Variants in CALU observed in about 807,000 individuals in gnomAD.
The protein encoded by CALU is IEF SSP 9302.
CALU carries 13 observed loss-of-function variants against 37.5 expected under a neutral mutation model. That is an observed-to-expected ratio of 0.35 (90% CI 0.23 to 0.55). The LOEUF is 0.55. CALU is among the 20% of genes least tolerant of loss of function. CALU has a pLI of 0.89. For missense variants in CALU, 282 were observed against 391.7 expected (o/e 0.72, Z 2.36); for synonymous variants, 114 against 133.8 (o/e 0.85, Z 1.02).
chr7:128,745,939 A>G (rs1800415102), intron 1 of CALU, among the ~76,000 whole-genome samples: 2 of 152,172 alleles, frequency 1.3e-5, no homozygotes, highest in African/African-American at 4.8e-5. Context: ...ATGAACCTTG[A>G]GGTTACCACT....
At position 128,769,305 on chromosome 7, in the gene CALU, C is replaced by G. The variant is rs1801466984; in HGVS notation, c.*138C>G. ...AAGGCGTAATGAAAACCATCCCGTCCCCATTCCTCCTCCTCTCTGAGGGAC... is the reference window on the plus strand; with the variant it reads ...AAGGCGTAATGAAAACCATCCCGTCGCCATTCCTCCTCCTCTCTGAGGGAC... On this transcript the variant is annotated 3_prime_UTR_variant, in exon 7 of 7. Transcript: ENST00000249364. 3.6e-6 allele frequency: 2 copies of G among 554,962 alleles called. No individual in the cohort carries two copies. The highest frequency in any genetic ancestry group is 6.8e-5 in the Admixed American group (2 of 29,362). 34.4% of individuals were successfully genotyped at this position (554,962 alleles called of 1,614,324 possible). A position where few individuals can be genotyped will look rare whatever the true frequency, so the allele number is the denominator to read the frequency against.
At chr7:128,754,013 A>T (rs1585008272) in intron 2 of CALU, among the ~76,000 whole-genome samples, 1 of 152,364 alleles carries the variant, frequency 6.6e-6, no homozygotes, top group Non-Finnish European at 1.5e-5. Flanking sequence ...CCATAGGCTG[A>T]AATCTACCTC....
intron 3 of CALU, among the ~76,000 whole-genome samples, chr7:128,757,116 C>G (rs1185312099): frequency 6.6e-6 from 1 of 151,936 alleles, no homozygotes; most frequent in Non-Finnish European, 1.5e-5. Context: ...TCCTGTTTCC[C>G]TCCTTATATA....
chr7:128,748,635 T>G lies in CALU; in HGVS notation c.52T>G (p.Leu18Val). 1 of 1,614,172 alleles carries G rather than the reference T, an allele frequency of 6.2e-7. No homozygotes were observed. The highest frequency in any genetic ancestry group is 8.5e-7 in the Non-Finnish European group (1 of 1,179,992). The part of the protein sequence containing the change: ...MCLSLCTAFA[L>V]SKPTEKKDRV... The stretch of plus-strand genomic sequence containing the variant: ...CCTGTCCCTGTGCACAGCCTTTGCC[T>G]TGAGCAAACCCACAGAAAAGAAGGA... Residue 18 changes from leucine to valine, a missense_variant, in exon 2 of 7, where the codon TTG (leucine) becomes GTG (valine). Physicochemically the swap from Leu to Val is conservative, Grantham distance 32. Coordinates refer to ENST00000249364, the MANE Select transcript of CALU (RefSeq NM_001219.5).
rs139501806 is a variant in CALU at position 128,754,351 on chromosome 7, G to C, written c.311G>C (p.Trp104Ser). Residue 104 changes from tryptophan (W) to serine (S), a missense_variant, in exon 3 of 7, where the codon TGG becomes TCG. Physicochemically the swap from Trp to Ser is radical, Grantham distance 177. Transcript: ENST00000249364. Reference protein sequence around the residue: ...KDWIKFAQKRWIYEDVERQWK... With the variant: ...KDWIKFAQKRSIYEDVERQWK... The stretch of plus-strand genomic sequence containing the variant: ...TGGATTAAATTTGCACAAAAGCGCT[G>C]GATTTACGAGGATGTAGAGCGACAG... The C allele has an allele frequency of 6.2e-7, 1 of 1,613,990 alleles. No individual in the cohort carries two copies. The highest frequency in any genetic ancestry group is 8.5e-7 in the Non-Finnish European group (1 of 1,179,984).
In CALU at chr7:128,768,504, T is replaced by C. The variant is rs541654798; in HGVS notation, c.844-559T>C. ...TCTCTAGCATTGAGTTGTTGTGTTA[T>C]ATTCTTTCCACCCTTCCACTTTTAA... On this transcript the variant is annotated intron_variant, in intron 6 of 6. Coordinates refer to ENST00000249364, the MANE Select transcript of CALU (RefSeq NM_001219.5). Among the ~76,000 whole-genome samples, 8 of 152,302 alleles carry C rather than the reference T, an allele frequency of 5.3e-5. No individual in the cohort carries two copies. The South Asian group carries it at 6.2e-4, about 12-fold the overall frequency.
rs549495079 is a variant in CALU at position 128,772,326 on chromosome 7, C to T, written c.*3159C>T. On this transcript the variant is annotated 3_prime_UTR_variant, in exon 7 of 7. Transcript: ENST00000249364. ...TAGAAACTGATGATTGTTGAAATGG[C>T]CTTTGGGTGGTCTGAAATAGACCAG... Among the ~76,000 whole-genome samples the T allele has an allele frequency of 1.3e-5, 2 of 152,134 alleles. No homozygotes were observed. Among genetic ancestry groups the T allele is most frequent in the African/African-American group, 4.8e-5 (2 of 41,476 alleles).
chr7:128,760,015 G>A (rs1801042998), intron 5 of CALU, among the ~76,000 whole-genome samples, 163 bp downstream of exon 5: 2 of 152,210 alleles, frequency 1.3e-5, no homozygotes, highest in Admixed American at 1.3e-4. Flanking sequence ...GGCCAACATG[G>A]GGAAACCCCG....
intron 2 of CALU, among the ~76,000 whole-genome samples, chr7:128,753,836 C>G (rs1800766668): frequency 6.6e-6 from 1 of 152,032 alleles, no homozygotes; most frequent in Non-Finnish European, 1.5e-5. Context: ...GATTATTTAC[C>G]AAGAATTGGA....
chr7:128,745,325 T>G (rs996751689), intron 1 of CALU, among the ~76,000 whole-genome samples: 11 of 152,200 alleles, frequency 7.2e-5, no homozygotes, highest in African/African-American at 2.7e-4. Context: ...ATCTAAAGAA[T>G]TATTTGTTTA....
At position 128,767,498 on chromosome 7, in the gene CALU, G is replaced by A; in HGVS notation, c.686G>A (p.Trp229Ter). 1 of 1,614,106 alleles carries A rather than the reference G, an allele frequency of 6.2e-7. No homozygotes were observed. Among genetic ancestry groups the A allele is most frequent in the Non-Finnish European group, 8.5e-7 (1 of 1,179,942 alleles). The change falls in exon 6 of 7, where the codon TGG becomes TAG. Residue 229 changes from tryptophan to a stop codon, truncating the protein, a stop_gained. Transcript: ENST00000249364. LOFTEE classifies it high-confidence loss of function. ...SHDGNTDEPE[W>*]VKTEREQFVE... ...GATGGGAATACTGATGAGCCAGAAT[G>A]GGTAAAGACAGAGCGAGAGCAGTTT...
At chr7:128,752,707 C>T (rs747501898) in intron 2 of CALU, among the ~76,000 whole-genome samples, 3 of 151,946 alleles carry the variant, frequency 2.0e-5, no homozygotes, top group Non-Finnish European at 2.9e-5. Context: ...TTTTCTGAGA[C>T]GAAGTCTTGC....
intron 2 of CALU, among the ~76,000 whole-genome samples, chr7:128,752,512 C>G (rs574236559): frequency 2.0e-5 from 3 of 152,244 alleles, no homozygotes; most frequent in South Asian, 4.1e-4. Context: ...TACAGTGGCA[C>G]TATTGGTAGC....
At chr7:128,760,568 C>T (rs534872259) in intron 5 of CALU, among the ~76,000 whole-genome samples, 24 of 152,136 alleles carry the variant, frequency 1.6e-4, no homozygotes, top group Non-Finnish European at 3.1e-4. Context: ...CCATCCTCAA[C>T]AGCACAGATA....
chr7:128,756,792 T>C (rs1022381466), intron 3 of CALU, among the ~76,000 whole-genome samples: 1 of 152,158 alleles, frequency 6.6e-6, no homozygotes, highest in Non-Finnish European at 1.5e-5. Context: ...AAATAAAGTT[T>C]TGGACAGGCA....
At chr7:128,767,297 A>T (rs1185781387) in intron 5 of CALU, among the ~76,000 whole-genome samples, 159 bp from the exon 6 acceptor site, 1 of 152,200 alleles carries the variant, frequency 6.6e-6, no homozygotes, top group Non-Finnish European at 1.5e-5. Context: ...GCCTCAGGAA[A>T]ATACCTTGCT....
chr7:128,772,066 TTTTTTTTTG>T lies in CALU; in HGVS notation c.*2904_*2912del, dbSNP rs1562886395. Among the ~76,000 whole-genome samples the T allele has an allele frequency of 1.4e-5, 1 of 71,452 alleles. No individual in the cohort carries two copies. The highest frequency in any genetic ancestry group is 4.3e-5 in the African/African-American group (1 of 23,492). The allele number at this position is 71,452 out of a possible 152,430, so 46.9% of individuals were successfully genotyped here. On this transcript the variant is annotated 3_prime_UTR_variant, in exon 7 of 7. Coordinates refer to ENST00000249364, the MANE Select transcript of CALU (RefSeq NM_001219.5). ...TTGGGGCCACTGAGTTTTTTTTGTT[TTTTTTTTTG>T]TTTTGTTTTGTTTTTTCTTTATGTC...
intron 5 of CALU, among the ~76,000 whole-genome samples, chr7:128,760,067 G>A (rs770383702): frequency 6.6e-5 from 10 of 152,216 alleles, no homozygotes; most frequent in East Asian, 5.8e-4. Context: ...GTGTGGTGGC[G>A]GGCGCCTGTA....
At chr7:128,765,984 T>C (rs1302379471) in intron 5 of CALU, among the ~76,000 whole-genome samples, 2 of 152,026 alleles carry the variant, frequency 1.3e-5, no homozygotes, top group Non-Finnish European at 2.9e-5. Context: ...CAAGGTGGAG[T>C]CTCTCTCTCT....
Sources: allele counts gnomAD v4.1 joint callset (sites outside exome capture counted in the v4.1 genomes callset), GRCh38; gene constraint gnomAD v4.1.1; transcripts MANE v1.5; gene names NCBI Gene and HGNC (gene_info 2026-07-23, HGNC 2026-07-21).